Variants in TRIM24 observed in about 807,000 individuals in gnomAD.
TRIM24 encodes the protein transcription intermediary factor 1-alpha.
Under a neutral mutation model 123.9 loss-of-function variants are expected in TRIM24, and 29 were observed. The observed-to-expected ratio is 0.23, with a 90% CI of 0.17 to 0.32. The LOEUF (loss-of-function observed/expected upper bound fraction) is 0.32. Ranked by LOEUF, TRIM24 falls within the 10% of genes least tolerant of loss-of-function variation. TRIM24 has a pLI of 1.00. For synonymous variants in TRIM24, 456 were observed against 461.1 expected, an observed-to-expected ratio of 0.99 and a Z score of 0.14; for missense variants, 932 against 1,295.3, an observed-to-expected ratio of 0.72 and a Z score of 4.31.
chr7:138,476,320 C>T (rs1339690282), intron 1 of TRIM24, among the ~76,000 whole-genome samples: 20 of 152,166 alleles, frequency 1.3e-4, no homozygotes, highest in Admixed American at 1.2e-3. Context: ...CCAGGCCGGG[C>T]GTGGTGGCTC....
At position 138,586,180 on chromosome 7, in the gene TRIM24, T is replaced by C. The variant is rs1798015816; in HGVS notation, c.*1229T>C. The C allele has an allele frequency of 1.2e-5, 3 of 241,938 alleles. No homozygotes were observed. Among genetic ancestry groups the C allele is most frequent in the Admixed American group, 5.0e-5 (1 of 20,126 alleles). The allele number at this position is 241,938 out of a possible 1,614,324, so 15.0% of individuals were successfully genotyped here. A position where few individuals can be genotyped will look rare whatever the true frequency, so the allele number is the denominator to read the frequency against. ...CCAGACCTACCCGGTTCAGCTGATATAGATAGATAGATAGATAGAAGAAAA... is the reference window on the plus strand; with the variant it reads ...CCAGACCTACCCGGTTCAGCTGATACAGATAGATAGATAGATAGAAGAAAA... On this transcript the variant is annotated 3_prime_UTR_variant, in exon 19 of 19. Transcript: ENST00000343526.
intron 2 of TRIM24, among the ~76,000 whole-genome samples, chr7:138,505,506 GGTGGTTGTTGTTGTT>G (rs1242346263): frequency 5.2e-4 from 26 of 50,178 alleles, no homozygotes; most frequent in South Asian, 4.4e-3. Flanking sequence ...TTTTGGGGGT[GGTGGTTGTTGTTGTT>G]GTTGTTGTTG....
At position 138,570,088 on chromosome 7, in the gene TRIM24, C is replaced by T. The variant is rs376365670; in HGVS notation, c.1705-742C>T. On this transcript the variant is annotated intron_variant, in intron 10 of 18. Transcript: ENST00000343526. ...ACAGCCTCCCAAGTAGCTGGGATTA[C>T]AGGTGCCCACCACCACGCCCGGTTA... is the stretch of plus-strand genomic sequence containing the variant. Among the ~76,000 whole-genome samples the T allele has an allele frequency of 3.5e-4, 54 of 152,138 alleles. No homozygotes were observed. The East Asian group carries it at 9.9e-3, about 28-fold the overall frequency.
At chr7:138,539,220 G>A (rs1563052578) in intron 7 of TRIM24, among the ~76,000 whole-genome samples, 1 of 151,968 alleles carries the variant, frequency 6.6e-6, no homozygotes, top group Non-Finnish European at 1.5e-5. Context: ...TATGTAACAT[G>A]TCTAACATCA....
chr7:138,485,314 C>G (rs1028476991), intron 1 of TRIM24, among the ~76,000 whole-genome samples: 5 of 151,762 alleles, frequency 3.3e-5, no homozygotes, highest in Non-Finnish European at 7.4e-5. Flanking sequence ...GTAACTTTCA[C>G]TGCTATTTCC....
intron 1 of TRIM24, among the ~76,000 whole-genome samples, chr7:138,477,626 G>T (rs1051169584): frequency 1.3e-5 from 2 of 152,228 alleles, no homozygotes; most frequent in South Asian, 4.1e-4. Flanking sequence ...ATGCTATATT[G>T]TAAGCACAAA....
chr7:138,498,521 G>C (rs902770000), intron 1 of TRIM24, among the ~76,000 whole-genome samples: 1 of 152,066 alleles, frequency 6.6e-6, no homozygotes, highest in Non-Finnish European at 1.5e-5. Flanking sequence ...AGTGTGCCTG[G>C]CCCCCTGTGT....
chr7:138,482,187 GTCC>G (rs1272896455), intron 1 of TRIM24, among the ~76,000 whole-genome samples: 1 of 152,064 alleles, frequency 6.6e-6, no homozygotes, highest in African/African-American at 2.4e-5. Flanking sequence ...ACCTCAAATT[GTCC>G]TCCTGTCTTG....
At chr7:138,472,962 T>C (rs1031386307) in intron 1 of TRIM24, among the ~76,000 whole-genome samples, 1 of 152,134 alleles carries the variant, frequency 6.6e-6, no homozygotes, top group African/African-American at 2.4e-5. Flanking sequence ...TGGCCTCCCA[T>C]TCAATCCCTT....
intron 2 of TRIM24, among the ~76,000 whole-genome samples, chr7:138,511,917 C>T (rs763325572): frequency 6.6e-6 from 1 of 152,190 alleles, no homozygotes; most frequent in Non-Finnish European, 1.5e-5. Flanking sequence ...AGACAAGTCT[C>T]TTCTCCCTAT....
chr7:138,522,557 G>A (rs888619291), intron 4 of TRIM24, among the ~76,000 whole-genome samples: 3 of 151,996 alleles, frequency 2.0e-5, no homozygotes, highest in African/African-American at 7.2e-5. Context: ...TGGAATTCTA[G>A]ATTAAAGGAA....
chr7:138,588,369 G>T lies in TRIM24; in HGVS notation c.*3418G>T. ...CATTCATTTTATATGTATTTGTTGT[G>T]AATGAGAGAAATTGAGTGATCTGAT... On this transcript the variant is annotated 3_prime_UTR_variant, in exon 19 of 19. Coordinates refer to ENST00000343526, the MANE Select transcript of TRIM24 (RefSeq NM_015905.3). The T allele has an allele frequency of 6.6e-6, 1 of 152,338 alleles. No individual in the cohort carries two copies. The allele number at this position is 152,338 out of a possible 1,614,324, so 9.4% of individuals were successfully genotyped here.
At chr7:138,497,259 AGTTTCACCTTGTTCCCC>A (rs1563033440) in intron 1 of TRIM24, among the ~76,000 whole-genome samples, 1 of 151,620 alleles carries the variant, frequency 6.6e-6, no homozygotes, top group African/African-American at 2.4e-5. Context: ...GTAGAGAAGG[AGTTTCACCTTGTTCCCC>A]AGGCTGGTCT....
chr7:138,467,150 TTC>T (rs1795160572), intron 1 of TRIM24, among the ~76,000 whole-genome samples: 1 of 152,214 alleles, frequency 6.6e-6, no homozygotes, highest in Non-Finnish European at 1.5e-5. Context: ...TACAGTACTC[TTC>T]TCAGCAAATT....
At chr7:138,469,500 G>A (rs924149729) in intron 1 of TRIM24, among the ~76,000 whole-genome samples, 2 of 151,884 alleles carry the variant, frequency 1.3e-5, no homozygotes, top group African/African-American at 4.8e-5. Flanking sequence ...TAGTACAGAC[G>A]GGATTTTACC....
At chr7:138,490,166 A>G (rs1563030221) in intron 1 of TRIM24, among the ~76,000 whole-genome samples, 1 of 152,078 alleles carries the variant, frequency 6.6e-6, no homozygotes, top group Non-Finnish European at 1.5e-5. Flanking sequence ...TTGTGCATGC[A>G]TCACCTAGTT....
At chr7:138,499,091 A>AT (rs555977268) in intron 1 of TRIM24, among the ~76,000 whole-genome samples, 8 of 150,358 alleles carry the variant, frequency 5.3e-5, no homozygotes, top group South Asian at 4.2e-4. Context: ...TTTTTTTTTA[A>AT]TTTTTTTTTA....
intron 18 of TRIM24, 141 bp downstream of exon 18, chr7:138,584,140 A>G (rs1023035979): frequency 1.2e-6 from 1 of 859,374 alleles, no homozygotes; most frequent in South Asian, 1.9e-5. Flanking sequence ...AATGCAAGAG[A>G]TAATTCAGAT....
chr7:138,561,628 C>G (rs1797430020), intron 9 of TRIM24, among the ~76,000 whole-genome samples: 1 of 152,150 alleles, frequency 6.6e-6, no homozygotes, highest in South Asian at 2.1e-4. Context: ...CAGAGGCCAT[C>G]CTAGTGCCAC....
Sources: allele counts gnomAD v4.1 joint callset (sites outside exome capture counted in the v4.1 genomes callset), GRCh38; gene constraint gnomAD v4.1.1; transcripts MANE v1.5; gene names NCBI Gene and HGNC (gene_info 2026-07-23, HGNC 2026-07-21).